Variants in PTPRA observed in about 807,000 individuals in gnomAD.
The protein encoded by PTPRA is receptor-type tyrosine-protein phosphatase alpha.
Under a neutral mutation model 104.8 loss-of-function variants are expected in PTPRA, and 25 were observed. The observed-to-expected ratio is 0.24, with a 90% CI of 0.17 to 0.33. The LOEUF is 0.33. Among genes scored for constraint, PTPRA ranks in the 10% least tolerant of loss-of-function variants. The probability of loss-of-function intolerance (pLI) is 1.00; values close to 1 mark genes in which losing one functional copy is unlikely to be tolerated. For missense variants in PTPRA, 765 were observed against 1,015.3 expected, an observed-to-expected ratio of 0.75 and a Z score of 3.35; for synonymous variants, 323 against 368.9, an observed-to-expected ratio of 0.88 and a Z score of 1.43.
At chr20:2,983,951 G>A (rs939988649) in intron 6 of PTPRA, among the ~76,000 whole-genome samples, 4 of 151,926 alleles carry the variant, frequency 2.6e-5, no homozygotes, top group Non-Finnish European at 5.9e-5. Context: ...AGAGCCCTGA[G>A]GAATTCCCAC....
chr20:2,979,364 G>A (rs2062575380), intron 6 of PTPRA, among the ~76,000 whole-genome samples: 1 of 152,104 alleles, frequency 6.6e-6, no homozygotes, highest in African/African-American at 2.4e-5. Context: ...CTCTCCTGTT[G>A]CACAGGTATT....
chr20:2,944,476 A>G (rs925669275), intron 2 of PTPRA, among the ~76,000 whole-genome samples: 1 of 152,208 alleles, frequency 6.6e-6, no homozygotes. Context: ...AACGTAAGGA[A>G]GTGAGCCAAA....
At chr20:2,963,374 G>A (rs1288427476) in intron 3 of PTPRA, among the ~76,000 whole-genome samples, 1 of 152,078 alleles carries the variant, frequency 6.6e-6, no homozygotes, top group African/African-American at 2.4e-5. Context: ...GGCTGAGGCT[G>A]GGAGGTCACC....
upstream of PTPRA, among the ~76,000 whole-genome samples, chr20:2,870,381 A>G (rs554585595): frequency 6.6e-6 from 1 of 152,336 alleles, no homozygotes; most frequent in South Asian, 2.1e-4. Flanking sequence ...AAAAAAAGAA[A>G]AAAAAAACTC....
At chr20:2,948,818 G>C (rs979309283) in intron 3 of PTPRA, among the ~76,000 whole-genome samples, 1 of 152,086 alleles carries the variant, frequency 6.6e-6, no homozygotes, top group Non-Finnish European at 1.5e-5. Context: ...TGGGCGTGGT[G>C]GCGGGCACCT....
At chr20:2,887,632 T>C (rs2090457403) in intron 1 of PTPRA, among the ~76,000 whole-genome samples, 1 of 152,244 alleles carries the variant, frequency 6.6e-6, no homozygotes, top group African/African-American at 2.4e-5. Context: ...CAAGTAGTTC[T>C]TAAATATTGA....
chr20:3,035,769 C>T lies in PTPRA; in HGVS notation c.2047-21C>T. On this transcript the variant is annotated intron_variant, in intron 21 of 23. Transcript: ENST00000399903. The surrounding 1 kb of genome is among the most constrained non-coding windows in gnomAD (Gnocchi z 5.8). ...GAAAAGCAGGGTTACCCCTGCCTCCCTGATCCCCTTTTTTCCAAAGGAGAA... is the reference window on the plus strand; with the variant it reads ...GAAAAGCAGGGTTACCCCTGCCTCCTTGATCCCCTTTTTTCCAAAGGAGAA... 1 of 1,614,196 alleles carries T rather than the reference C, an allele frequency of 6.2e-7. No individual in the cohort carries two copies. The highest frequency in any genetic ancestry group is 2.2e-5 in the East Asian group (1 of 44,884).
intron 3 of PTPRA, among the ~76,000 whole-genome samples, chr20:2,955,266 T>C (rs1185410750): frequency 1.3e-5 from 2 of 152,264 alleles, no homozygotes; most frequent in Non-Finnish European, 2.9e-5. Context: ...TATTGTTCTT[T>C]GTGTTAATCT....
At chr20:2,989,861 C>T (rs968848858) in intron 9 of PTPRA, among the ~76,000 whole-genome samples, 6 of 151,674 alleles carry the variant, frequency 4.0e-5, no homozygotes, top group Non-Finnish European at 8.8e-5. Context: ...ACTAAAAATA[C>T]AAAAAATTAG....
At chr20:2,882,030 A>C (rs572584491) in intron 1 of PTPRA, among the ~76,000 whole-genome samples, 40 of 152,262 alleles carry the variant, frequency 2.6e-4, no homozygotes, top group African/African-American at 8.2e-4. Context: ...AAAAAAACAC[A>C]TACCCTTGGC....
At chr20:2,890,010 A>C (rs952730011) in intron 1 of PTPRA, among the ~76,000 whole-genome samples, 11 of 151,614 alleles carry the variant, frequency 7.3e-5, no homozygotes, top group Admixed American at 5.9e-4. Context: ...CAGCCTCCTG[A>C]GTAAGTAGCT....
At chr20:2,934,888 TCTC>T (rs978032524) in intron 2 of PTPRA, among the ~76,000 whole-genome samples, 8 of 152,112 alleles carry the variant, frequency 5.3e-5, no homozygotes, top group African/African-American at 1.9e-4. Context: ...GTCAGGCTGA[TCTC>T]AAACTCCTGA....
At chr20:2,866,250 C>T in the PTPRA span, 225 of 1,613,988 alleles carry the variant, frequency 1.4e-4, 1 homozygote, top group Middle Eastern at 9.9e-4. Flanking sequence ...ATAACAAATA[C>T]GAAGCCAAGA....
At chr20:2,873,011 T>C (rs985285239), upstream of PTPRA, among the ~76,000 whole-genome samples, 1 of 151,904 alleles carries the variant, frequency 6.6e-6, no homozygotes, top group Non-Finnish European at 1.5e-5. This position sits in a 1 kb window ranked among gnomAD's most constrained non-coding sequence, Gnocchi z 4.4. Flanking sequence ...ACTTGGCAGG[T>C]TCCTCTCCCT....
At chr20:2,933,435 T>TTTGGTTGG (rs781388996) in intron 2 of PTPRA, among the ~76,000 whole-genome samples, 2 of 151,784 alleles carry the variant, frequency 1.3e-5, no homozygotes, top group Admixed American at 6.6e-5. Flanking sequence ...GGTTCTTTCT[T>TTTGGTTGG]TTGGTTGGTT....
chr20:3,014,285 C>T (rs2064326144), intron 11 of PTPRA, among the ~76,000 whole-genome samples: 1 of 152,184 alleles, frequency 6.6e-6, no homozygotes, highest in Non-Finnish European at 1.5e-5. Context: ...AGGCCTAAAG[C>T]TTTCTCCTTC....
the PTPRA span, chr20:2,866,548 G>T: frequency 6.2e-7 from 1 of 1,614,182 alleles, no homozygotes; most frequent in Non-Finnish European, 8.5e-7. Context: ...GATTCAACGG[G>T]CCAGGGCACA....
chr20:2,928,640 G>T (rs547023331), intron 2 of PTPRA, among the ~76,000 whole-genome samples: 1 of 151,862 alleles, frequency 6.6e-6, no homozygotes, highest in African/African-American at 2.4e-5. Context: ...TACTTGGTGG[G>T]CCCCTTAATA....
At chr20:2,891,722 G>A (rs901014923) in intron 1 of PTPRA, among the ~76,000 whole-genome samples, 3 of 152,034 alleles carry the variant, frequency 2.0e-5, no homozygotes, top group African/African-American at 7.3e-5. Flanking sequence ...TTGTCTCTTA[G>A]TATCTTCAGG....
Sources: gnomAD v4.1 joint callset for allele counts (sites outside exome capture counted in the v4.1 genomes callset) on GRCh38, gnomAD v4.1.1 for gene constraint, Gnocchi (gnomAD v3.1) non-coding constraint, MANE v1.5 for transcripts, NCBI Gene and HGNC (gene_info 2026-07-23, HGNC 2026-07-21) for gene names.